Variants in PHACTR4 observed in about 807,000 individuals in gnomAD.
PHACTR4 encodes protein phosphatase 1, regulatory subunit 124.
A neutral mutation model predicts 72.7 loss-of-function variants in PHACTR4; 51 were observed. The ratio of observed to expected loss-of-function variants is 0.70; its 90% CI spans 0.56 to 0.89. The LOEUF is 0.89. PHACTR4 is among the 40% of genes least tolerant of loss of function. The probability of loss-of-function intolerance (pLI) is 0.00; values close to 1 mark genes in which losing one functional copy is unlikely to be tolerated. For missense variants in PHACTR4, 731 were observed against 861.8 expected (o/e 0.85, Z 1.90); for synonymous variants, 255 against 302.5 (o/e 0.84, Z 1.63).
intron 4 of PHACTR4, among the ~76,000 whole-genome samples, chr1:28,464,053 T>A (rs1012111353): frequency 1.3e-5 from 2 of 150,788 alleles, no homozygotes; most frequent in Non-Finnish European, 3.0e-5. Context: ...TCTTTTTTTT[T>A]TTTTTTTTTG....
intron 4 of PHACTR4, among the ~76,000 whole-genome samples, chr1:28,463,616 C>T (rs1423036144): frequency 1.3e-5 from 2 of 152,214 alleles, no homozygotes; most frequent in African/African-American, 4.8e-5. Context: ...TTGTTGTCAT[C>T]TTACCCCCAC....
intron 13 of PHACTR4, chr1:28,494,434 A>T (rs1050130827): frequency 6.6e-6 from 1 of 152,248 alleles, no homozygotes; most frequent in African/African-American, 2.4e-5. Flanking sequence ...AGGCAGGTGG[A>T]TCACTTGAGG....
intron 4 of PHACTR4, among the ~76,000 whole-genome samples, chr1:28,460,703 T>A (rs2124471626): frequency 6.6e-6 from 1 of 152,284 alleles, no homozygotes; most frequent in Admixed American, 6.5e-5. Context: ...GAGATGGGGT[T>A]TCACCATGTT....
intron 8 of PHACTR4, among the ~76,000 whole-genome samples, chr1:28,477,879 C>T (rs768958336): frequency 1.8e-4 from 27 of 151,612 alleles, no homozygotes; most frequent in Non-Finnish European, 3.7e-4. Context: ...ATAGAGACAG[C>T]GTTTCACCAT....
At chr1:28,375,260 C>T (rs1341222777) in intron 1 of PHACTR4, among the ~76,000 whole-genome samples, 3 of 152,018 alleles carry the variant, frequency 2.0e-5, no homozygotes, top group Non-Finnish European at 2.9e-5. Flanking sequence ...GATTGTGCCA[C>T]TGCACTTCAG....
At chr1:28,384,518 A>G (rs1652421188) in intron 1 of PHACTR4, among the ~76,000 whole-genome samples, 1 of 151,818 alleles carries the variant, frequency 6.6e-6, no homozygotes, top group Admixed American at 6.6e-5. Context: ...GCCCCTTTTC[A>G]TTTCTGATTG....
intron 1 of PHACTR4, among the ~76,000 whole-genome samples, chr1:28,378,578 C>T (rs1255797554): frequency 1.6e-5 from 2 of 126,486 alleles, no homozygotes; most frequent in Admixed American, 8.0e-5. Flanking sequence ...AGCCCCCCCC[C>T]CCTTTTTTTT....
chr1:28,450,061 G>A (rs117605369), intron 2 of PHACTR4, among the ~76,000 whole-genome samples: 1 of 152,120 alleles, frequency 6.6e-6, no homozygotes, highest in East Asian at 1.9e-4. Context: ...CCTGGTTTCA[G>A]GGTACTACTC....
At chr1:28,390,314 G>A (rs938235669) in intron 1 of PHACTR4, among the ~76,000 whole-genome samples, 1 of 152,096 alleles carries the variant, frequency 6.6e-6, no homozygotes, top group East Asian at 1.9e-4. Flanking sequence ...TGCCACCATG[G>A]CTGGCCACAT....
intron 2 of PHACTR4, among the ~76,000 whole-genome samples, chr1:28,423,934 A>T (rs978453698): frequency 6.6e-6 from 1 of 152,204 alleles, no homozygotes; most frequent in East Asian, 1.9e-4. Context: ...GCTTTCTTCA[A>T]ATCTTTTCAC....
At chr1:28,409,140 T>C (rs560946239) in intron 2 of PHACTR4, among the ~76,000 whole-genome samples, 3 of 151,324 alleles carry the variant, frequency 2.0e-5, no homozygotes, top group Admixed American at 2.0e-4. Flanking sequence ...TTTTTTTTTT[T>C]CCAAGACTGG....
intron 13 of PHACTR4, 88 bp from the exon 14 acceptor site, chr1:28,496,446 T>G: frequency 7.1e-7 from 1 of 1,410,978 alleles, no homozygotes. Context: ...CAGTGTTAAT[T>G]AGGTATAACA....
intron 1 of PHACTR4, among the ~76,000 whole-genome samples, chr1:28,382,254 C>G (rs1652229671): frequency 6.6e-6 from 1 of 152,070 alleles, no homozygotes; most frequent in South Asian, 2.1e-4. Flanking sequence ...AATTAGACCC[C>G]ATTTATCAAT....
chr1:28,445,287 C>T (rs1022619670), intron 2 of PHACTR4, among the ~76,000 whole-genome samples: 3 of 152,118 alleles, frequency 2.0e-5, no homozygotes, highest in Admixed American at 6.6e-5. Context: ...CAGAGTCTCG[C>T]TATGTTGCCC....
intron 2 of PHACTR4, among the ~76,000 whole-genome samples, chr1:28,455,068 T>A (rs1658277697): frequency 6.6e-6 from 1 of 151,842 alleles, no homozygotes; most frequent in Non-Finnish European, 1.5e-5. Context: ...CAGGGTTTCC[T>A]CATGTTGGCC....
At chr1:28,426,283 A>G (rs1317768867) in intron 2 of PHACTR4, among the ~76,000 whole-genome samples, 1 of 152,168 alleles carries the variant, frequency 6.6e-6, no homozygotes, top group East Asian at 1.9e-4. Context: ...TGAAACTTTT[A>G]TTTAGCTGTG....
rs201831825 is a variant in PHACTR4 at position 28,442,471 on chromosome 1, AG to A, written c.17-16613del. Among the ~76,000 whole-genome samples, 238 of 150,406 alleles carry A rather than the reference AG, an allele frequency of 1.6e-3. 7 individuals carry two copies. Among genetic ancestry groups the A allele is most frequent in the African/African-American group, 4.0e-3 (165 of 40,942 alleles). Reference sequence around the variant, plus strand: ...GAGTGAGACTCTGTCTCAAAAAAAAAGAAAAAAAAGTTTTTGTTTGTTTGTT... The same window carrying A: ...GAGTGAGACTCTGTCTCAAAAAAAAAAAAAAAAAGTTTTTGTTTGTTTGTT... On this transcript the variant is annotated intron_variant, in intron 2 of 13. Transcript: ENST00000373839.
intron 1 of PHACTR4, among the ~76,000 whole-genome samples, chr1:28,406,975 A>C (rs1040618282): frequency 4.6e-5 from 7 of 152,178 alleles, no homozygotes; most frequent in Non-Finnish European, 1.0e-4. Context: ...TTACAAAAAA[A>C]CTTGCCTTTT....
In PHACTR4 at chr1:28,369,818, A is replaced by C. The variant is rs557691929; in HGVS notation, c.-46A>C. On this transcript the variant is annotated 5_prime_UTR_variant, in exon 1 of 14. Coordinates refer to ENST00000373839, the MANE Select transcript of PHACTR4 (RefSeq NM_001048183.3). The stretch of plus-strand genomic sequence containing the variant: ...GTGGAGGCTGAGGAGGCGGCGGCGG[A>C]GATCTGGGTAAGTTCAGCGAGCAAG... The C allele has an allele frequency of 2.2e-4, 99 of 458,052 alleles. No homozygotes were observed. Among genetic ancestry groups the C allele is most frequent in the Admixed American group, 4.0e-4 (17 of 42,344 alleles). The allele number at this position is 458,052 out of a possible 1,614,324, so 28.4% of individuals were successfully genotyped here. A position where few individuals can be genotyped will look rare whatever the true frequency, so the allele number is the denominator to read the frequency against.
Sources: allele counts gnomAD v4.1 joint callset (sites outside exome capture counted in the v4.1 genomes callset), GRCh38; gene constraint gnomAD v4.1.1; transcripts MANE v1.5; gene names NCBI Gene and HGNC (gene_info 2026-07-23, HGNC 2026-07-21).